Variants in USH2A observed in about 807,000 individuals in gnomAD.
The protein encoded by USH2A is Usher syndrome 2A (autosomal recessive, mild).
A neutral mutation model predicts 538.9 loss-of-function variants in USH2A; 443 were observed. That is an observed-to-expected ratio of 0.82 (90% CI 0.76 to 0.89). The LOEUF is 0.89. Ranked by LOEUF, USH2A falls within the 40% of genes least tolerant of loss-of-function variation. USH2A has a pLI of 0.00. For missense variants in USH2A, 6,633 were observed against 6,324.8 expected (o/e 1.05, Z -1.65); for synonymous variants, 2,413 against 2,273.5 (o/e 1.06, Z -1.75).
At chr1:216,093,162 A>G (rs1382190298) in intron 22 of USH2A, among the ~76,000 whole-genome samples, 2 of 151,954 alleles carry the variant, frequency 1.3e-5, no homozygotes, top group African/African-American at 4.8e-5. Flanking sequence ...ACGGGGTTTC[A>G]CCATCTTAGC....
At chr1:216,313,922 T>G (rs1269953205) in intron 9 of USH2A, among the ~76,000 whole-genome samples, 1 of 152,150 alleles carries the variant, frequency 6.6e-6, no homozygotes, top group African/African-American at 2.4e-5. Flanking sequence ...CACTTTGTAT[T>G]TTTCTCTCTG....
At chr1:216,090,324 G>A (rs944646561) in intron 22 of USH2A, among the ~76,000 whole-genome samples, 1 of 151,002 alleles carries the variant, frequency 6.6e-6, no homozygotes, top group Admixed American at 6.6e-5. Context: ...TCTCTGAAAT[G>A]GCTTCAGTGA....
intron 58 of USH2A, among the ~76,000 whole-genome samples, chr1:215,756,025 C>A (rs575940780): frequency 6.6e-6 from 1 of 152,088 alleles, no homozygotes; most frequent in South Asian, 2.1e-4. Context: ...GGAACAAATA[C>A]GTTTTAAAAA....
chr1:215,662,821 G>A (rs938862508), intron 64 of USH2A, among the ~76,000 whole-genome samples: 5 of 152,172 alleles, frequency 3.3e-5, no homozygotes, highest in African/African-American at 1.2e-4. Flanking sequence ...CTCCATGCTG[G>A]TCGGAAATAC....
chr1:216,394,021 CAT>C (rs1250266736), intron 3 of USH2A, among the ~76,000 whole-genome samples: 2 of 152,154 alleles, frequency 1.3e-5, no homozygotes, highest in East Asian at 3.9e-4. Context: ...AGGATACACA[CAT>C]GGGAGGCAAA....
chr1:216,001,828 C>G (rs746723841), intron 32 of USH2A, among the ~76,000 whole-genome samples: 1 of 151,996 alleles, frequency 6.6e-6, no homozygotes, highest in Non-Finnish European at 1.5e-5. Context: ...ATGTAGGTCA[C>G]TAGAAGAGAG....
At chr1:216,133,531 G>A (rs928332619) in intron 21 of USH2A, among the ~76,000 whole-genome samples, 8 of 152,048 alleles carry the variant, frequency 5.3e-5, no homozygotes, top group Non-Finnish European at 1.0e-4. Context: ...GGATGTGTGC[G>A]TAGCTCCCTC....
chr1:215,711,331 G>C (rs1659332179), intron 61 of USH2A, among the ~76,000 whole-genome samples: 1 of 152,136 alleles, frequency 6.6e-6, no homozygotes. Flanking sequence ...AGGAAGGCAA[G>C]CACAGTGCTT....
In USH2A at chr1:215,715,337, T is replaced by TC. The variant is rs1202571487; in HGVS notation, c.12066+12692dup. ...GAAGATAGTGGAGTCTTAACTGTTT[T>TC]CCCCAAAAACAAAAATACTTCAAAA... is the stretch of plus-strand genomic sequence containing the variant. On this transcript the variant is annotated intron_variant, in intron 61 of 71. Transcript: ENST00000307340. Among the ~76,000 whole-genome samples, 10 of 152,302 alleles carry TC rather than the reference T, an allele frequency of 6.6e-5. No homozygotes were observed. The South Asian group carries it at 1.9e-3, about 28-fold the overall frequency.
intron 4 of USH2A, among the ~76,000 whole-genome samples, chr1:216,362,892 T>C (rs966914007): frequency 2.0e-5 from 3 of 151,362 alleles, no homozygotes; most frequent in Non-Finnish European, 4.4e-5. Context: ...AGAGCCGAGA[T>C]TGCACCACTG....
At chr1:215,636,410 C>T (rs944348743) in intron 69 of USH2A, among the ~76,000 whole-genome samples, 11 of 152,188 alleles carry the variant, frequency 7.2e-5, no homozygotes, top group African/African-American at 2.7e-4. Flanking sequence ...CTGACCTTTG[C>T]TTCTCATCTC....
At chr1:215,922,211 G>A (rs1311587647) in intron 38 of USH2A, among the ~76,000 whole-genome samples, 2 of 152,174 alleles carry the variant, frequency 1.3e-5, no homozygotes, top group African/African-American at 2.4e-5. Flanking sequence ...CAGATGTTCT[G>A]TGAAGAAGTT....
intron 20 of USH2A, 85 bp from the exon 21 acceptor site, chr1:216,175,567 T>A: frequency 8.2e-7 from 1 of 1,214,094 alleles, no homozygotes; most frequent in African/African-American, 1.5e-5. Context: ...ATATATGTAT[T>A]TGTATATATC....
At chr1:215,945,521 A>T (rs1021518591) in intron 37 of USH2A, among the ~76,000 whole-genome samples, 3 of 152,052 alleles carry the variant, frequency 2.0e-5, no homozygotes, top group Non-Finnish European at 4.4e-5. Context: ...GTCTTTTTTT[A>T]AAAGAAAGAA....
intron 36 of USH2A, among the ~76,000 whole-genome samples, chr1:215,965,753 G>GCTGT: frequency 6.6e-6 from 1 of 152,064 alleles, no homozygotes; most frequent in East Asian, 1.9e-4. Flanking sequence ...TGTGCCTATG[G>GCTGT]CTGTACATAT....
intron 30 of USH2A, among the ~76,000 whole-genome samples, chr1:216,052,049 A>G (rs181234251): frequency 1.3e-3 from 204 of 152,314 alleles, no homozygotes; most frequent in Admixed American, 2.2e-3. Context: ...TGTCTTCACT[A>G]AAGGAGTTAC....
intron 32 of USH2A, among the ~76,000 whole-genome samples, chr1:216,043,641 A>G (rs2030384662): frequency 1.3e-5 from 2 of 152,140 alleles, no homozygotes; most frequent in Non-Finnish European, 2.9e-5. Context: ...GGCGTTCTTG[A>G]TAATTCAAAC....
At chr1:215,935,312 C>G (rs904489274) in intron 37 of USH2A, among the ~76,000 whole-genome samples, 1 of 151,918 alleles carries the variant, frequency 6.6e-6, no homozygotes, top group Non-Finnish European at 1.5e-5. Flanking sequence ...GTTTTCTGTT[C>G]ACTTTGCTTG....
intron 32 of USH2A, among the ~76,000 whole-genome samples, chr1:216,042,931 T>C (rs915455984): frequency 6.6e-6 from 1 of 152,056 alleles, no homozygotes; most frequent in African/African-American, 2.4e-5. Flanking sequence ...AGGAGGCCAC[T>C]ATCTGCAAGC....
Sources: allele counts gnomAD v4.1 joint callset (sites outside exome capture counted in the v4.1 genomes callset), GRCh38; gene constraint gnomAD v4.1.1; transcripts MANE v1.5; gene names NCBI Gene and HGNC (gene_info 2026-07-23, HGNC 2026-07-21).